SMG6: variants seen among roughly 807,000 people sequenced by gnomAD.
SMG6 encodes telomerase-binding protein EST1A.
A neutral mutation model predicts 142.2 loss-of-function variants in SMG6; 66 were observed. The ratio of observed to expected loss-of-function variants is 0.46; its 90% CI spans 0.38 to 0.57. The LOEUF is 0.57. Ranked by LOEUF, SMG6 falls within the 20% of genes least tolerant of loss-of-function variation. SMG6 has a pLI of 0.00. For synonymous variants in SMG6, 779 were observed against 702.4 expected, an observed-to-expected ratio of 1.11 and a Z score of -1.72; for missense variants, 1,793 against 1,832.0, an observed-to-expected ratio of 0.98 and a Z score of 0.39.
chr17:2,177,280 C>T (rs548861632), intron 12 of SMG6, among the ~76,000 whole-genome samples: 1 of 152,318 alleles, frequency 6.6e-6, no homozygotes, highest in South Asian at 2.1e-4. Context: ...ACACGTCACA[C>T]CACAATAATC....
intron 13 of SMG6, among the ~76,000 whole-genome samples, chr17:2,136,834 C>T (rs759935718): frequency 2.0e-5 from 3 of 150,468 alleles, no homozygotes; most frequent in Non-Finnish European, 4.4e-5. Context: ...AAATAAAACA[C>T]AAGAAAAAAC....
chr17:2,282,163 C>T (rs934245755), intron 8 of SMG6, among the ~76,000 whole-genome samples: 1 of 152,168 alleles, frequency 6.6e-6, no homozygotes, highest in East Asian at 1.9e-4. Context: ...TCTAAACAAG[C>T]CTGTGATTTT....
chr17:2,124,735 T>C (rs1297249062), intron 13 of SMG6, among the ~76,000 whole-genome samples: 1 of 152,176 alleles, frequency 6.6e-6, no homozygotes, highest in Non-Finnish European at 1.5e-5. Context: ...GTCTTCCGCA[T>C]CCTACCATTA....
At chr17:2,268,765 A>T (rs1324756243) in intron 8 of SMG6, among the ~76,000 whole-genome samples, 3 of 148,288 alleles carry the variant, frequency 2.0e-5, no homozygotes, top group African/African-American at 7.5e-5. Flanking sequence ...CAAAAAAATT[A>T]GCCGGGCATG....
chr17:2,187,027 T>G (rs1458944622), intron 11 of SMG6, among the ~76,000 whole-genome samples, 196 bp from the exon 12 acceptor site: 1 of 152,220 alleles, frequency 6.6e-6, no homozygotes, highest in Non-Finnish European at 1.5e-5. Flanking sequence ...GTGTACTGGG[T>G]CTGCCCCTGG....
intron 10 of SMG6, among the ~76,000 whole-genome samples, chr17:2,208,499 A>C (rs1223689893): frequency 2.0e-5 from 3 of 152,210 alleles, no homozygotes; most frequent in Non-Finnish European, 4.4e-5. Context: ...CCAAATCTGA[A>C]GTGCTTACTG....
At chr17:2,232,457 G>A (rs149046045) in intron 10 of SMG6, among the ~76,000 whole-genome samples, 172 of 152,184 alleles carry the variant, frequency 1.1e-3, no homozygotes, top group African/African-American at 3.9e-3. Flanking sequence ...CCTGGTCCAC[G>A]TAAGAAACAC....
rs774400014 is a variant in SMG6, at chr17:2,247,362, A to G, written c.2662-2643T>C. Among the ~76,000 whole-genome samples the G allele has an allele frequency of 1.0e-3, 157 of 152,184 alleles. 1 individual carries two copies. Among genetic ancestry groups the G allele is most frequent in the Non-Finnish European group, 1.3e-4 (9 of 68,038 alleles). On this transcript the variant is annotated intron_variant, in intron 8 of 18. Coordinates refer to ENST00000263073, the MANE Select transcript of SMG6 (RefSeq NM_017575.5). ...GAATACACATTCTCTCTCTCTTCCT[A>G]TTTTAACTTGGTTATCCCTCTTCCT...
At chr17:2,236,736 CA>C (rs1266651830) in intron 9 of SMG6, 99 bp from the exon 10 acceptor site, 454 of 1,305,644 alleles carry the variant, frequency 3.5e-4, no homozygotes, top group Admixed American at 1.0e-3. Context: ...CACACACACA[CA>C]CACACACACA....
chr17:2,197,024 G>A (rs892638687), intron 10 of SMG6, among the ~76,000 whole-genome samples: 5 of 151,926 alleles, frequency 3.3e-5, no homozygotes, highest in Non-Finnish European at 5.9e-5. Context: ...ATAAAACATA[G>A]GACCATAAAA....
chr17:2,161,105 C>CTT (rs34928313), intron 13 of SMG6, among the ~76,000 whole-genome samples: 21 of 132,640 alleles, frequency 1.6e-4, no homozygotes, highest in East Asian at 6.6e-4. Context: ...ATAACTGACC[C>CTT]TTTTTTTTTT....
chr17:2,257,560 A>G (rs12938295), intron 8 of SMG6, among the ~76,000 whole-genome samples: 87,693 of 151,996 alleles, frequency 0.58, 26,470 homozygotes, highest in East Asian at 0.75. Flanking sequence ...AAGAGACTAC[A>G]CTTAACATCA....
chr17:2,172,314 G>A (rs1010013877), intron 13 of SMG6, among the ~76,000 whole-genome samples: 2 of 152,010 alleles, frequency 1.3e-5, no homozygotes, highest in Admixed American at 6.6e-5. Context: ...GGAGGGGGGC[G>A]GGGAGGAAGG....
chr17:2,295,196 T>C (rs930591324), intron 4 of SMG6, among the ~76,000 whole-genome samples: 1 of 152,034 alleles, frequency 6.6e-6, no homozygotes, highest in Non-Finnish European at 1.5e-5. Flanking sequence ...TGTCCATCAG[T>C]AAGAAAGTGT....
At chr17:2,247,967 G>A (rs940992918) in intron 8 of SMG6, among the ~76,000 whole-genome samples, 3 of 151,382 alleles carry the variant, frequency 2.0e-5, no homozygotes, top group Non-Finnish European at 4.4e-5. Flanking sequence ...ACAGCCAGGC[G>A]TGGTGGCACG....
intron 10 of SMG6, among the ~76,000 whole-genome samples, chr17:2,218,418 G>A (rs912840486): frequency 6.6e-5 from 10 of 151,966 alleles, no homozygotes; most frequent in Admixed American, 1.3e-4. Context: ...ACACGGTGGC[G>A]GGCGCCTGTA....
chr17:2,118,914 T>G (rs1466994744), intron 13 of SMG6, among the ~76,000 whole-genome samples: 4 of 126,386 alleles, frequency 3.2e-5, no homozygotes, highest in Non-Finnish European at 6.8e-5. Context: ...TTTTTTTTTT[T>G]GACATAGAAT....
chr17:2,175,509 G>A (rs541447944), intron 12 of SMG6, among the ~76,000 whole-genome samples: 1 of 152,152 alleles, frequency 6.6e-6, no homozygotes, highest in South Asian at 2.1e-4. Flanking sequence ...ATGCTCTCCT[G>A]TCCCCTAAGG....
At chr17:2,179,976 T>C (rs552891199) in intron 12 of SMG6, among the ~76,000 whole-genome samples, 15 of 152,314 alleles carry the variant, frequency 9.8e-5, no homozygotes, top group African/African-American at 2.9e-4. Context: ...CCCTGACTCT[T>C]TCACTTACTG....
Sources: allele counts gnomAD v4.1 joint callset (sites outside exome capture counted in the v4.1 genomes callset), GRCh38; gene constraint gnomAD v4.1.1; transcripts MANE v1.5; gene names NCBI Gene and HGNC (gene_info 2026-07-23, HGNC 2026-07-21).